Variants in SMAD3 observed in about 807,000 individuals in gnomAD.
SMAD3 encodes MAD homolog 3.
Under a neutral mutation model 51.8 loss-of-function variants are expected in SMAD3, and 12 were observed. The ratio of observed to expected loss-of-function variants is 0.23; its 90% CI spans 0.15 to 0.38. SMAD3 has a LOEUF of 0.38. Among genes scored for constraint, SMAD3 ranks in the 10% least tolerant of loss-of-function variants. SMAD3 has a pLI of 1.00. For missense variants in SMAD3, 294 were observed against 565.6 expected (o/e 0.52, Z 4.87); for synonymous variants, 238 against 227.7 (o/e 1.05, Z -0.41).
chr15:67,163,225 C>T (rs921484408), intron 1 of SMAD3, among the ~76,000 whole-genome samples: 5 of 152,126 alleles, frequency 3.3e-5, no homozygotes, highest in African/African-American at 9.7e-5. Context: ...CCACCCGCCT[C>T]GGCCTCCCAA....
intron 1 of SMAD3, among the ~76,000 whole-genome samples, chr15:67,103,931 A>G (rs1315553275): frequency 1.3e-5 from 2 of 152,116 alleles, no homozygotes; most frequent in Non-Finnish European, 2.9e-5. Flanking sequence ...GAATTATTTC[A>G]CCTTTTCCAG....
intron 2 of SMAD3, 64 bp from the exon 3 acceptor site, chr15:67,165,189 C>A: frequency 1.2e-5 from 19 of 1,613,306 alleles, no homozygotes; most frequent in Non-Finnish European, 1.6e-5. Context: ...CTTGGGGGTG[C>A]GGGGACTTTG....
At chr15:67,121,200 C>T (rs1006104790) in intron 1 of SMAD3, among the ~76,000 whole-genome samples, 2 of 152,260 alleles carry the variant, frequency 1.3e-5, no homozygotes, top group African/African-American at 4.8e-5. Context: ...GCCAGCCCCG[C>T]TGAGTCACCC....
intron 1 of SMAD3, among the ~76,000 whole-genome samples, chr15:67,082,728 T>C (rs971006265): frequency 6.6e-6 from 1 of 152,228 alleles, no homozygotes; most frequent in African/African-American, 2.4e-5. Flanking sequence ...AGCTAATCAC[T>C]AACTTCAAGT....
chr15:67,115,271 A>C (rs529768612), intron 1 of SMAD3, among the ~76,000 whole-genome samples: 1 of 152,066 alleles, frequency 6.6e-6, no homozygotes, highest in South Asian at 2.1e-4. Context: ...TTCCCACGGA[A>C]GCAGAATCTC....
chr15:67,075,624 A>G (rs1291344041), intron 1 of SMAD3, among the ~76,000 whole-genome samples: 1 of 152,182 alleles, frequency 6.6e-6, no homozygotes, highest in Non-Finnish European at 1.5e-5. Context: ...CATAGAAATC[A>G]ACCCAAGTGG....
In SMAD3 at chr15:67,165,052, G is replaced by T; in HGVS notation, c.364G>T (p.Val122Leu). The change falls in exon 2 of 9, where the codon GTG (valine) becomes TTG (leucine). Residue 122 changes from valine (V) to leucine (L), a missense_variant. Around this residue, in one of 3 missense-constraint regions of SMAD3, gnomAD observed 147 missense variants for 260.9 expected, o/e 0.56. Coordinates refer to ENST00000327367, the MANE Select transcript of SMAD3 (RefSeq NM_005902.4). Reference sequence around the variant, plus strand: ...CAATATGAAGAAGGACGAGGTCTGCGTGAATCCCTACCACTACCAGAGAGT... The same window carrying T: ...CAATATGAAGAAGGACGAGGTCTGCTTGAATCCCTACCACTACCAGAGAGT... ...AFNMKKDEVCVNPYHYQRVET... is the reference protein window; with the variant it reads ...AFNMKKDEVCLNPYHYQRVET... The T allele has an allele frequency of 6.2e-7, 1 of 1,614,188 alleles. No homozygotes were observed. The highest frequency in any genetic ancestry group is 8.5e-7 in the Non-Finnish European group (1 of 1,180,040).
rs375419585 is a variant in SMAD3, at chr15:67,114,407, C to A, written c.206+48047C>A. On this transcript the variant is annotated intron_variant, in intron 1 of 8. Coordinates refer to ENST00000327367, the MANE Select transcript of SMAD3 (RefSeq NM_005902.4). ...AAGAGGCCCACCCAGATAGCTCCCTCACCGGGGGCAAGGAACAAGCCACCT... is the reference window on the plus strand; with the variant it reads ...AAGAGGCCCACCCAGATAGCTCCCTAACCGGGGGCAAGGAACAAGCCACCT... Among the ~76,000 whole-genome samples the A allele has an allele frequency of 4.6e-5, 7 of 152,350 alleles. No homozygotes were observed. The South Asian group carries it at 1.5e-3, about 32-fold the overall frequency.
chr15:67,077,137 G>A (rs926446888), intron 1 of SMAD3, among the ~76,000 whole-genome samples: 2 of 151,828 alleles, frequency 1.3e-5, no homozygotes, highest in Non-Finnish European at 3.0e-5. Context: ...CTGTGTAACC[G>A]TTTGTTACCT....
At chr15:67,127,601 T>C (rs1961422137) in intron 1 of SMAD3, among the ~76,000 whole-genome samples, 3 of 152,238 alleles carry the variant, frequency 2.0e-5, no homozygotes, top group South Asian at 2.1e-4. Flanking sequence ...ATGCAACTCT[T>C]ATATTGACCT....
At chr15:67,102,268 GC>G (rs965953795) in intron 1 of SMAD3, among the ~76,000 whole-genome samples, 2 of 126,542 alleles carry the variant, frequency 1.6e-5, no homozygotes, top group Non-Finnish European at 3.5e-5. Context: ...GTGTGTGTGT[GC>G]GGTGTGTGTG....
intron 1 of SMAD3, among the ~76,000 whole-genome samples, chr15:67,119,695 T>C (rs1044123308): frequency 1.3e-5 from 2 of 152,236 alleles, no homozygotes; most frequent in Non-Finnish European, 2.9e-5. Context: ...AAAGGTAGAA[T>C]TGCCCAAGAG....
At chr15:67,147,098 C>T (rs995807301) in intron 1 of SMAD3, among the ~76,000 whole-genome samples, 1 of 152,196 alleles carries the variant, frequency 6.6e-6, no homozygotes, top group African/African-American at 2.4e-5. Flanking sequence ...GTTTAACGTT[C>T]CCCTCCATTG....
intron 1 of SMAD3, among the ~76,000 whole-genome samples, chr15:67,084,031 A>G (rs1375074549): frequency 5.9e-5 from 9 of 151,272 alleles, no homozygotes; most frequent in Non-Finnish European, 1.2e-4. Context: ...GAGAATCTGA[A>G]AGAATCTGTG....
chr15:67,139,147 C>G (rs1166870866), intron 1 of SMAD3, among the ~76,000 whole-genome samples: 2 of 152,202 alleles, frequency 1.3e-5, no homozygotes, highest in Middle Eastern at 3.2e-3. Flanking sequence ...GGCAGCGATT[C>G]TTGTGTTCTG....
chr15:67,113,995 A>G (rs1026388115), intron 1 of SMAD3, among the ~76,000 whole-genome samples: 5 of 152,194 alleles, frequency 3.3e-5, no homozygotes, highest in African/African-American at 7.2e-5. Context: ...GTTGGGACCA[A>G]TTTGGCGGTG....
intron 1 of SMAD3, among the ~76,000 whole-genome samples, chr15:67,114,675 G>T (rs1961097402): frequency 1.3e-5 from 2 of 152,144 alleles, no homozygotes; most frequent in African/African-American, 4.8e-5. Flanking sequence ...CCAACCCAGA[G>T]AATCTTGACT....
At chr15:67,080,034 C>T (rs1960248859) in intron 1 of SMAD3, among the ~76,000 whole-genome samples, 2 of 152,156 alleles carry the variant, frequency 1.3e-5, no homozygotes, top group African/African-American at 4.8e-5. Flanking sequence ...AAAGGGGCAG[C>T]ATTATTAATT....
chr15:67,150,652 C>T (rs1962106390), intron 1 of SMAD3, among the ~76,000 whole-genome samples: 1 of 151,976 alleles, frequency 6.6e-6, no homozygotes, highest in Non-Finnish European at 1.5e-5. Flanking sequence ...GGCTTCTGCT[C>T]TGTGGAAGAA....
Sources: allele counts gnomAD v4.1 joint callset (sites outside exome capture counted in the v4.1 genomes callset), GRCh38; gene constraint gnomAD v4.1.1; regional missense constraint gnomAD v4.1.1; transcripts MANE v1.5; gene names NCBI Gene and HGNC (gene_info 2026-07-23, HGNC 2026-07-21).